ERICH1: variants seen among roughly 807,000 people sequenced by gnomAD.
ERICH1 encodes glutamate rich 1, also known as glutamate-rich protein 1.
A neutral mutation model predicts 39.6 loss-of-function variants in ERICH1; 56 were observed. The observed-to-expected ratio is 1.41, with a 90% CI of 1.14 to 1.77. ERICH1 has a LOEUF of 1.77. ERICH1 is among the 40% of genes most tolerant of loss of function. The pLI is 0.00. For synonymous variants in ERICH1, 313 were observed against 223.6 expected, an observed-to-expected ratio of 1.40 and a Z score of -3.57; for missense variants, 826 against 575.4, an observed-to-expected ratio of 1.44 and a Z score of -4.45.
intron 3 of ERICH1, among the ~76,000 whole-genome samples, chr8:619,781 T>C (rs1443933626): frequency 6.6e-6 from 1 of 152,106 alleles, no homozygotes; most frequent in Non-Finnish European, 1.5e-5. Context: ...GTATGAAGTC[T>C]ATGGAATTGA....
intron 5 of ERICH1, chr8:668,362 C>A: frequency 3.6e-6 from 2 of 557,894 alleles, no homozygotes; most frequent in South Asian, 2.3e-5. Flanking sequence ...GTTGACAGCT[C>A]CCAAGTCCGG....
chr8:724,628 A>T (rs762341466), intron 1 of ERICH1, among the ~76,000 whole-genome samples: 3 of 152,232 alleles, frequency 2.0e-5, no homozygotes, highest in Non-Finnish European at 4.4e-5. Flanking sequence ...AAGGCCGTTC[A>T]GCAAGCTGCT....
At chr8:614,895 C>T (rs1481923375) in exon 4 of ERICH1, 6 of 235,998 alleles carry the variant, frequency 2.5e-5, no homozygotes, top group Admixed American at 2.3e-4. Flanking sequence ...AATTAGGTTC[C>T]TCAGTTGCAT....
At chr8:633,546 T>C (rs1452842526) in intron 3 of ERICH1, among the ~76,000 whole-genome samples, 1 of 152,138 alleles carries the variant, frequency 6.6e-6, no homozygotes, top group Non-Finnish European at 1.5e-5. Flanking sequence ...CCACCCTAAA[T>C]TCACATGGAA....
At chr8:710,047 G>T (rs1207110817) in intron 2 of ERICH1, among the ~76,000 whole-genome samples, 1 of 152,186 alleles carries the variant, frequency 6.6e-6, no homozygotes, top group Non-Finnish European at 1.5e-5. Flanking sequence ...CTTCTTGTAA[G>T]GCATAACAGT....
At chr8:728,091 T>C (rs1819200729) in intron 1 of ERICH1, among the ~76,000 whole-genome samples, 6 of 152,122 alleles carry the variant, frequency 3.9e-5, no homozygotes, top group Admixed American at 3.9e-4. Context: ...GAGGATCGTC[T>C]CTGCCAAGCA....
chr8:726,365 G>A (rs1818658478), intron 1 of ERICH1, among the ~76,000 whole-genome samples: 1 of 148,850 alleles, frequency 6.7e-6, no homozygotes, highest in Admixed American at 6.7e-5. Flanking sequence ...TGCATACACA[G>A]GCGCACATGC....
intron 3 of ERICH1, chr8:656,915 A>T: frequency 6.9e-6 from 6 of 872,734 alleles, no homozygotes; most frequent in Non-Finnish European, 8.3e-6. Flanking sequence ...GATAAACAAT[A>T]CACTCCTTAT....
intron 3 of ERICH1, among the ~76,000 whole-genome samples, chr8:690,291 G>A (rs1346124306): frequency 6.6e-6 from 1 of 152,208 alleles, no homozygotes; most frequent in African/African-American, 2.4e-5. Flanking sequence ...AAAGAACACA[G>A]ACAAGACAGA....
In ERICH1 at chr8:675,115, CGTGGCG is replaced by C. The variant is rs1804405126; in HGVS notation, c.305-1074_305-1069del. Among the ~76,000 whole-genome samples the C allele has an allele frequency of 8.7e-5, 13 of 150,244 alleles. 2 individuals carry two copies. The highest frequency in any genetic ancestry group is 3.0e-4 in the African/African-American group (12 of 40,474). ...CTCAACACCTCAGTGAGGACAGAGA[CGTGGCG>C]GCCCCTCGGCGAGGACAGAGACGCG... On this transcript the variant is annotated intron_variant, in intron 3 of 5. Transcript: ENST00000262109.
chr8:622,797 T>A (rs573559078), intron 3 of ERICH1, among the ~76,000 whole-genome samples: 4 of 151,632 alleles, frequency 2.6e-5, no homozygotes, highest in East Asian at 1.9e-4. Context: ...TATAAAAAAA[T>A]TTTTTTAAAA....
chr8:726,264 C>A (rs951564002), intron 1 of ERICH1, among the ~76,000 whole-genome samples: 1 of 152,186 alleles, frequency 6.6e-6, no homozygotes, highest in Non-Finnish European at 1.5e-5. Flanking sequence ...CTGGGAGATG[C>A]ACACACCACA....
intron 3 of ERICH1, among the ~76,000 whole-genome samples, chr8:629,588 C>T (rs570083995): frequency 1.4e-5 from 2 of 141,612 alleles, no homozygotes; most frequent in African/African-American, 5.3e-5. Flanking sequence ...CGGTGACCAC[C>T]CACAGAGACA....
At chr8:660,356 A>G (rs1038734168), downstream of ERICH1, among the ~76,000 whole-genome samples, 5 of 152,234 alleles carry the variant, frequency 3.3e-5, no homozygotes, top group Admixed American at 6.5e-5. Context: ...CTTTAAAAAG[A>G]GGTTCTCCAT....
At chr8:684,222 A>G (rs1298425647) in intron 3 of ERICH1, among the ~76,000 whole-genome samples, 1 of 152,246 alleles carries the variant, frequency 6.6e-6, no homozygotes, top group Non-Finnish European at 1.5e-5. Flanking sequence ...AAAACTGTCA[A>G]AACCATGAGG....
In ERICH1 at chr8:616,882, G is replaced by A. The variant is rs533816905; in HGVS notation, c.977-1598C>T. On this transcript the variant is annotated intron_variant, in intron 3 of 3. Coordinates refer to the ERICH1 transcript ENST00000522706. ...AGACAGAGAGAGAGAGGGAGAGGGA[G>A]ACAGAGACACACACACACACAGAGA... Among the ~76,000 whole-genome samples the A allele has an allele frequency of 1.3e-4, 6 of 46,600 alleles. No homozygotes were observed. The East Asian group carries it at 0.049, about 382-fold the overall frequency. 30.6% of individuals were successfully genotyped at this position (46,600 alleles called of 152,430 possible).
chr8:695,433 C>A (rs1308493187), intron 2 of ERICH1, among the ~76,000 whole-genome samples: 2 of 152,074 alleles, frequency 1.3e-5, no homozygotes, highest in Non-Finnish European at 2.9e-5. Context: ...CGCCGCTCAC[C>A]TGGCAGAGGC....
intron 3 of ERICH1, among the ~76,000 whole-genome samples, chr8:643,085 C>T (rs1198381125): frequency 2.6e-5 from 4 of 151,950 alleles, no homozygotes; most frequent in Non-Finnish European, 5.9e-5. Flanking sequence ...GGCCCCAGGA[C>T]ATCGGGTGCC....
intron 3 of ERICH1, among the ~76,000 whole-genome samples, chr8:643,969 G>T (rs1017920913): frequency 1.3e-5 from 2 of 152,242 alleles, no homozygotes; most frequent in South Asian, 4.1e-4. Flanking sequence ...CCAGCACGGT[G>T]GGCCTGACGG....
Sources: gnomAD v4.1 joint callset for allele counts (sites outside exome capture counted in the v4.1 genomes callset) on GRCh38, gnomAD v4.1.1 for gene constraint, MANE v1.5 for transcripts, NCBI Gene and HGNC (gene_info 2026-07-23, HGNC 2026-07-21) for gene names.